Variants in INTS2 observed in about 807,000 individuals in gnomAD.
INTS2 encodes the protein KIAA1287.
In INTS2, 57 loss-of-function variants were observed where a neutral mutation model predicts 139.6. That is an observed-to-expected ratio of 0.41 (90% CI 0.33 to 0.51). The LOEUF is 0.51. Ranked by LOEUF, INTS2 falls within the 20% of genes least tolerant of loss-of-function variation. INTS2 has a pLI of 0.28. For synonymous variants in INTS2, 473 were observed against 493.4 expected, an observed-to-expected ratio of 0.96 and a Z score of 0.55; for missense variants, 1,196 against 1,436.7, an observed-to-expected ratio of 0.83 and a Z score of 2.71.
intron 17 of INTS2, among the ~76,000 whole-genome samples, chr17:61,879,071 CTTTTTTTTTTTTTTTTTT>C (rs943506280): frequency 2.9e-5 from 1 of 34,416 alleles, no homozygotes; most frequent in African/African-American, 1.3e-4. Context: ...CCAGGCTGGT[CTTTTTTTTTTTTTTTTTT>C]TTTTTTTTTT....
rs2079057894 is a variant in INTS2 at position 61,867,819 on chromosome 17, A to G, written c.3421+14T>C. 1 of 1,570,492 alleles carries G rather than the reference A, an allele frequency of 6.4e-7. No homozygotes were observed. Among genetic ancestry groups the G allele is most frequent in the African/African-American group, 1.4e-5 (1 of 72,668 alleles). On this transcript the variant is annotated intron_variant, in intron 24 of 24. Coordinates refer to ENST00000251334, the MANE Select transcript of INTS2 (RefSeq NM_001351695.2). The surrounding 1 kb of genome is among the most constrained non-coding windows in gnomAD (Gnocchi z 5.6). Reference sequence around the variant, plus strand: ...AGATATTAAGATAACCCTTGAAAATAAGTTACCACTTACGTGTAATAATTG... The same window carrying G: ...AGATATTAAGATAACCCTTGAAAATGAGTTACCACTTACGTGTAATAATTG...
chr17:61,926,472 T>C lies in INTS2; in HGVS notation c.173A>G (p.Gln58Arg). The C allele has an allele frequency of 1.2e-6, 2 of 1,614,046 alleles. No homozygotes were observed. The highest frequency in any genetic ancestry group is 8.5e-7 in the Non-Finnish European group (1 of 1,179,896). Residue 58 changes from glutamine (Q) to arginine (R), a missense_variant, in exon 2 of 25, where the codon CAG becomes CGG. Around this residue, in one of 3 missense-constraint regions of INTS2, gnomAD observed 31 missense variants for 64.8 expected, o/e 0.48. Transcript: ENST00000251334. ...APADQSQSWA[Q>R]DKKLILRLLS... ...AAGGCGAAGGATGAGTTTCTTATCC[T>C]GAGCCCAGCTTTGGCTCTGGTCAGC...
chr17:61,878,028 AGAGTC>A lies in INTS2; in HGVS notation c.2310_2314del (p.Leu770PhefsTer6). On this transcript the variant is annotated frameshift_variant, in exon 18 of 25. Coordinates refer to ENST00000251334, the MANE Select transcript of INTS2 (RefSeq NM_001351695.2). LOFTEE classifies it high-confidence loss of function. Reference sequence around the variant, plus strand: ...TGGTATAAGTTCACTGGCAGAGAGTAGAGTCAAGTGTTCTATAATCTGCATCACTT... The same window carrying A: ...TGGTATAAGTTCACTGGCAGAGAGTAAAGTGTTCTATAATCTGCATCACTT... 6.2e-7 allele frequency: 1 copy of A among 1,612,878 alleles called. No homozygotes were observed. The highest frequency in any genetic ancestry group is 8.5e-7 in the Non-Finnish European group (1 of 1,178,842).
chr17:61,924,360 A>G (rs557125496), intron 3 of INTS2, among the ~76,000 whole-genome samples: 1 of 152,358 alleles, frequency 6.6e-6, no homozygotes, highest in Non-Finnish European at 1.5e-5. Flanking sequence ...ATCCCTTTCT[A>G]AATGTCAAGA....
Position 61,872,300 on chromosome 17 carries a change from T to C in INTS2, c.2743A>G (p.Arg915Gly). ...AGTAATGCATTTTTCAATTCTTCCCTGGTAACTTCCGGAGCATCAGTTTGT... is the reference window on the plus strand; with the variant it reads ...AGTAATGCATTTTTCAATTCTTCCCCGGTAACTTCCGGAGCATCAGTTTGT... The part of the protein sequence containing the change: ...VGQTDAPEVT[R>G]EELKNALLAA... Residue 915 changes from arginine (R) to glycine (G), a missense_variant, in exon 20 of 25, where the codon AGG (arginine) becomes GGG (glycine). Around this residue, in one of 3 missense-constraint regions of INTS2, gnomAD observed 1,129 missense variants for 1,341.9 expected, o/e 0.84. Transcript: ENST00000251334. This position sits in a 1 kb window ranked among gnomAD's most constrained non-coding sequence, Gnocchi z 4.8. 6.2e-7 allele frequency: 1 copy of C among 1,612,580 alleles called. No individual in the cohort carries two copies. Among genetic ancestry groups the C allele is most frequent in the Admixed American group, 1.7e-5 (1 of 59,782 alleles).
chr17:61,881,783 GA>G (rs991148805), intron 16 of INTS2, among the ~76,000 whole-genome samples: 1 of 152,152 alleles, frequency 6.6e-6, no homozygotes, highest in Non-Finnish European at 1.5e-5. Flanking sequence ...TTGATCAAGG[GA>G]AACTGCTTAA....
intron 14 of INTS2, among the ~76,000 whole-genome samples, chr17:61,890,218 G>GT (rs1230191059): frequency 2.0e-5 from 3 of 152,142 alleles, no homozygotes; most frequent in Non-Finnish European, 4.4e-5. Context: ...CATGAAAAAA[G>GT]TAACTCCTAA....
chr17:61,897,775 TTAGATATAC>T lies in INTS2; in HGVS notation c.1308-45_1308-37del. On this transcript the variant is annotated intron_variant, in intron 9 of 24. Transcript: ENST00000251334. This position sits in a 1 kb window ranked among gnomAD's most constrained non-coding sequence, Gnocchi z 4.4. ...TATACCAGAATGTCACTGGTTTAAATTAGATATACTAGCATATGAATAAAAAGCATTCTG... is the reference window on the plus strand; with the variant it reads ...TATACCAGAATGTCACTGGTTTAAATTAGCATATGAATAAAAAGCATTCTG... 1.5e-6 allele frequency: 2 copies of T among 1,314,914 alleles called. No homozygotes were observed. The allele number at this position is 1,314,914 out of a possible 1,614,324, so 81.5% of individuals were successfully genotyped here. A position where few individuals can be genotyped will look rare whatever the true frequency, so the allele number is the denominator to read the frequency against.
chr17:61,879,158 G>A (rs375530754), intron 17 of INTS2, among the ~76,000 whole-genome samples: 1 of 127,144 alleles, frequency 7.9e-6, no homozygotes, highest in East Asian at 2.7e-4. Context: ...GGCCTCAAGT[G>A]ATCCTCCTGC....
rs1002994206 is a variant in INTS2, at chr17:61,922,537, T to C, written c.433-710A>G. ...ATATATATATATATATATATATATATATATATATACGTGTTCAATTCTGAA... is the reference window on the plus strand; with the variant it reads ...ATATATATATATATATATATATATACATATATATACGTGTTCAATTCTGAA... On this transcript the variant is annotated intron_variant, in intron 3 of 24. Coordinates refer to ENST00000251334, the MANE Select transcript of INTS2 (RefSeq NM_001351695.2). 3.6e-4 allele frequency among the ~76,000 whole-genome samples: 48 copies of C among 133,282 alleles called. 1 individual carries two copies. The highest frequency in any genetic ancestry group is 1.3e-3 in the African/African-American group (46 of 36,564). 87.4% of individuals were successfully genotyped at this position (133,282 alleles called of 152,430 possible). A position where few individuals can be genotyped will look rare whatever the true frequency, so the allele number is the denominator to read the frequency against.
At chr17:61,895,562 C>T (rs1316904387) in intron 11 of INTS2, among the ~76,000 whole-genome samples, 179 bp from the exon 12 acceptor site, 1 of 152,062 alleles carries the variant, frequency 6.6e-6, no homozygotes, top group South Asian at 2.1e-4. Context: ...AAAAACAGAA[C>T]CAATATAAAA....
Position 61,868,906 on chromosome 17 carries a change from T to G in INTS2, c.3244+128A>C. On this transcript the variant is annotated intron_variant, in intron 23 of 24. Coordinates refer to ENST00000251334, the MANE Select transcript of INTS2 (RefSeq NM_001351695.2). The surrounding 1 kb of genome is among the most constrained non-coding windows in gnomAD (Gnocchi z 4.7). ...CAAAAGACGGCATAAGTTAAACTAG[T>G]ATTTAACACATATTGTATCATACTG... 1 of 591,932 alleles carries G rather than the reference T, an allele frequency of 1.7e-6. No individual in the cohort carries two copies. The highest frequency in any genetic ancestry group is 3.0e-6 in the Non-Finnish European group (1 of 334,538). 36.7% of individuals were successfully genotyped at this position (591,932 alleles called of 1,614,324 possible).
At chr17:61,919,211 C>A (rs2079613869) in intron 5 of INTS2, among the ~76,000 whole-genome samples, 189 bp downstream of exon 5, 1 of 152,200 alleles carries the variant, frequency 6.6e-6, no homozygotes, top group African/African-American at 2.4e-5. Context: ...GTGTGAGCCA[C>A]TGCGCCCAGC....
Position 61,872,314 on chromosome 17 carries a change from G to C in INTS2, c.2729C>G (p.Ala910Gly). 6.2e-7 allele frequency: 1 copy of C among 1,613,046 alleles called. No individual in the cohort carries two copies. The highest frequency in any genetic ancestry group is 1.1e-5 in the South Asian group (1 of 90,962). The change falls in exon 20 of 25, where the codon GCT becomes GGT. Residue 910 changes from alanine (A) to glycine (G), a missense_variant. Ala to Gly is a moderately conservative substitution (Grantham distance 60, BLOSUM62 0). Transcript: ENST00000251334. This position sits in a 1 kb window ranked among gnomAD's most constrained non-coding sequence, Gnocchi z 4.8. ...CAATTCTTCCCTGGTAACTTCCGGAGCATCAGTTTGTCCAACTAAACCAAT... is the reference window on the plus strand; with the variant it reads ...CAATTCTTCCCTGGTAACTTCCGGACCATCAGTTTGTCCAACTAAACCAAT... ...NTIGLVGQTD[A>G]PEVTREELKN...
Position 61,876,511 on chromosome 17 carries a change from T to G in INTS2, c.2456+1376A>C, listed in dbSNP as rs1274863554. On this transcript the variant is annotated intron_variant, in intron 18 of 24. Transcript: ENST00000251334. The surrounding 1 kb of genome is among the most constrained non-coding windows in gnomAD (Gnocchi z 4.1). ...AGGGTTTCAGTGGCACGATCTCACC[T>G]CACTGAAGCCTCCATCTCCTGGGCT... Among the ~76,000 whole-genome samples the G allele has an allele frequency of 6.6e-6, 1 of 151,968 alleles. No individual in the cohort carries two copies. The highest frequency in any genetic ancestry group is 1.5e-5 in the Non-Finnish European group (1 of 67,950).
intron 9 of INTS2, among the ~76,000 whole-genome samples, chr17:61,901,701 G>A (rs945836880): frequency 4.3e-5 from 6 of 138,878 alleles, no homozygotes; most frequent in African/African-American, 1.1e-4. Flanking sequence ...CCAGGTTCAC[G>A]CCATTCTCCT....
intron 17 of INTS2, among the ~76,000 whole-genome samples, chr17:61,879,900 A>C (rs931087886): frequency 5.3e-5 from 8 of 152,220 alleles, no homozygotes; most frequent in Admixed American, 4.6e-4. Context: ...TGATTATTTA[A>C]ATTAGTGTTG....
chr17:61,901,267 C>CTAAA (rs1020448961), intron 9 of INTS2, among the ~76,000 whole-genome samples: 9 of 150,630 alleles, frequency 6.0e-5, no homozygotes, highest in African/African-American at 1.7e-4. Context: ...GCCCCCATCT[C>CTAAA]TAAATAAATA....
chr17:61,921,487 G>T, intron 4 of INTS2: 11 of 265,564 alleles, frequency 4.1e-5, no homozygotes, highest in Middle Eastern at 1.2e-3. Context: ...AATCATTAAC[G>T]AGCATTAAAG....
Sources: allele counts gnomAD v4.1 joint callset (sites outside exome capture counted in the v4.1 genomes callset), GRCh38; gene constraint gnomAD v4.1.1; regional missense constraint gnomAD v4.1.1; non-coding constraint Gnocchi (gnomAD v3.1); transcripts MANE v1.5; gene names NCBI Gene and HGNC (gene_info 2026-07-23, HGNC 2026-07-21).